The following TMX3 variants were observed in gnomAD, a reference collection of about 807,000 sequenced individuals.
TMX3 encodes the protein thioredoxin related transmembrane protein 3, also known as protein disulfide-isomerase TMX3.
TMX3 carries 40 observed loss-of-function variants against 64.4 expected under a neutral mutation model. That is an observed-to-expected ratio of 0.62 (90% confidence interval 0.48 to 0.81). The LOEUF is 0.81. TMX3 is among the 30% of genes least tolerant of loss of function. TMX3 has a pLI of 0.00. For synonymous variants in TMX3, 189 were observed against 175.7 expected (o/e 1.08, Z -0.60); for missense variants, 497 against 534.5 (o/e 0.93, Z 0.69).
At position 68,713,870 on chromosome 18, in the gene TMX3, C is replaced by A; in HGVS notation, c.77G>T (p.Gly26Val). The change falls in exon 2 of 16, where the codon GGA (glycine) becomes GTA (valine). Residue 26 changes from glycine to valine, a missense_variant. Physicochemically the swap from Gly to Val is moderately radical, Grantham distance 109 (BLOSUM62 -3). Transcript: ENST00000299608. ...VVVLDMVVCK[G>V]FVEDLDESFK... The stretch of plus-strand genomic sequence containing the variant: ...CGATTCATCTAAATCTTCTACAAAT[C>A]CTTTACAGACGACCATATCAAGTAC... The A allele has an allele frequency of 6.3e-7, 1 of 1,575,462 alleles. No individual in the cohort carries two copies. Among genetic ancestry groups the A allele is most frequent in the South Asian group, 1.1e-5 (1 of 87,744 alleles).
In TMX3 at chr18:68,677,193, ACT is replaced by A; in HGVS notation, c.1105-2_1105-1del. 6.2e-7 allele frequency: 1 copy of A among 1,611,048 alleles called. No individual in the cohort carries two copies. Among genetic ancestry groups the A allele is most frequent in the East Asian group, 2.2e-5 (1 of 44,854 alleles). Reference sequence around the variant, plus strand: ...ATCAGTGGTGAGCTCTTGAATATAGACTGTGGAAAGAGAATTAAAACTCAGTT... The same window carrying A: ...ATCAGTGGTGAGCTCTTGAATATAGAGTGGAAAGAGAATTAAAACTCAGTT... On this transcript the variant is annotated splice_acceptor_variant, in intron 15 of 15. Coordinates refer to ENST00000299608, the MANE Select transcript of TMX3 (RefSeq NM_019022.5). LOFTEE classifies it high-confidence loss of function.
intron 14 of TMX3, 133 bp downstream of exon 14, chr18:68,680,848 A>T: frequency 1.4e-6 from 1 of 725,340 alleles, no homozygotes; most frequent in Non-Finnish European, 2.1e-6. Flanking sequence ...GGACAGAAGC[A>T]ATGTATGGAG....
intron 12 of TMX3, among the ~76,000 whole-genome samples, chr18:68,683,659 T>A (rs889624394): frequency 6.6e-6 from 1 of 152,118 alleles, no homozygotes; most frequent in African/African-American, 2.4e-5. Flanking sequence ...AAATTATAGA[T>A]CAAAGTATCT....
chr18:68,689,631 A>G (rs1415547995), intron 9 of TMX3: 1 of 152,184 alleles, frequency 6.6e-6, no homozygotes, highest in Non-Finnish European at 1.5e-5. Flanking sequence ...TTATATGAGG[A>G]GTACTGCAAG....
chr18:68,701,970 C>T (rs186400398), intron 4 of TMX3, among the ~76,000 whole-genome samples, 180 bp from the exon 5 acceptor site: 120 of 151,194 alleles, frequency 7.9e-4, no homozygotes, highest in African/African-American at 2.8e-3. Flanking sequence ...TCATAGAAAA[C>T]AATTACTTAA....
intron 4 of TMX3, among the ~76,000 whole-genome samples, chr18:68,707,917 G>A (rs138328165): frequency 1.6e-4 from 24 of 150,056 alleles, no homozygotes; most frequent in African/African-American, 5.4e-4. Context: ...ACATATATAT[G>A]TGTGTATATG....
intron 6 of TMX3, among the ~76,000 whole-genome samples, chr18:68,698,642 A>C (rs1915347456): frequency 6.6e-6 from 1 of 152,220 alleles, no homozygotes; most frequent in Admixed American, 6.5e-5. Flanking sequence ...ATGTTATACA[A>C]GCATTTTTCA....
chr18:68,712,020 A>T (rs73967594), intron 2 of TMX3, among the ~76,000 whole-genome samples: 4 of 152,086 alleles, frequency 2.6e-5, no homozygotes, highest in Non-Finnish European at 4.4e-5. Flanking sequence ...TTTACAGCAT[A>T]TGACGAGCCC....
At chr18:68,683,597 T>C (rs1468644318) in intron 12 of TMX3, among the ~76,000 whole-genome samples, 1 of 152,180 alleles carries the variant, frequency 6.6e-6, no homozygotes, top group East Asian at 1.9e-4. Flanking sequence ...CATGTGCATA[T>C]TTTATTTACA....
intron 8 of TMX3, 33 bp from the exon 9 acceptor site, chr18:68,691,394 T>C (rs751585046): frequency 1.7e-5 from 23 of 1,389,868 alleles, no homozygotes; most frequent in Non-Finnish European, 1.7e-5. Flanking sequence ...ATAACTTTTA[T>C]CACTAAAAAA....
Position 68,715,001 on chromosome 18 carries a change from A to C in TMX3, c.-20T>G. 1.3e-6 allele frequency: 2 copies of C among 1,563,710 alleles called. No individual in the cohort carries two copies. Among genetic ancestry groups the C allele is most frequent in the Non-Finnish European group, 1.7e-6 (2 of 1,154,524 alleles). On this transcript the variant is annotated 5_prime_UTR_variant, in exon 1 of 16. Coordinates refer to ENST00000299608, the MANE Select transcript of TMX3 (RefSeq NM_019022.5). ...TGCCATGCTAGCCCGGGAGAGCTGC[A>C]GAAGCTGACTGTGCAAAAGAGGGAT...
At chr18:68,708,025 G>A (rs1333968662) in intron 4 of TMX3, among the ~76,000 whole-genome samples, 2 of 136,290 alleles carry the variant, frequency 1.5e-5, no homozygotes, top group Admixed American at 6.9e-5. Flanking sequence ...GTGTATATAT[G>A]TGTATATGTG....
intron 4 of TMX3, 122 bp downstream of exon 4, chr18:68,709,899 A>C: frequency 2.2e-6 from 2 of 899,284 alleles, no homozygotes; most frequent in Non-Finnish European, 3.2e-6. Flanking sequence ...TACAGTCTTA[A>C]ATTATTAAGT....
chr18:68,695,781 G>A (rs930169949), intron 8 of TMX3, among the ~76,000 whole-genome samples: 11 of 152,112 alleles, frequency 7.2e-5, no homozygotes, highest in African/African-American at 1.4e-4. Flanking sequence ...CCTATCTAAC[G>A]CACTCTGCGC....
intron 7 of TMX3, chr18:68,697,504 T>A: frequency 2.5e-6 from 1 of 405,918 alleles, no homozygotes; most frequent in Non-Finnish European, 4.4e-6. Context: ...AGAGCTTTTA[T>A]CTTTCTGCAA....
chr18:68,701,108 T>A, intron 5 of TMX3: 1 of 777,072 alleles, frequency 1.3e-6, no homozygotes, highest in Non-Finnish European at 1.6e-6. Flanking sequence ...ACACAAAAAG[T>A]AAGAGGCTAA....
intron 1 of TMX3, chr18:68,714,442 A>C (rs1431298466): frequency 6.2e-6 from 1 of 162,386 alleles, no homozygotes; most frequent in African/African-American, 2.4e-5. Flanking sequence ...TGCTGACGGG[A>C]GGCAGCTGAG....
chr18:68,687,439 T>A, intron 10 of TMX3: 2 of 985,430 alleles, frequency 2.0e-6, no homozygotes, highest in South Asian at 9.4e-5. Flanking sequence ...GTTTTCCTTA[T>A]CACCATCAGT....
At chr18:68,714,499 C>T in intron 1 of TMX3, 1 of 182,580 alleles carries the variant, frequency 5.5e-6, no homozygotes, top group Non-Finnish European at 1.1e-5. Flanking sequence ...ACAATCCCGG[C>T]GGCCTGACCC....
Sources: gnomAD v4.1 joint callset for allele counts (sites outside exome capture counted in the v4.1 genomes callset) on GRCh38, gnomAD v4.1.1 for gene constraint, MANE v1.5 for transcripts, NCBI Gene and HGNC (gene_info 2026-07-23, HGNC 2026-07-21) for gene names.